The following LRP1B variants were observed in gnomAD, a reference collection of about 807,000 sequenced individuals.
LRP1B encodes LDL receptor related protein 1B.
In LRP1B, 217 loss-of-function variants were observed where a neutral mutation model predicts 556.6. The ratio of observed to expected loss-of-function variants is 0.39; its 90% confidence interval spans 0.35 to 0.44. The LOEUF is 0.44. Ranked by LOEUF, LRP1B falls within the 20% of genes least tolerant of loss-of-function variation. The probability of loss-of-function intolerance (pLI) is 1.00; values close to 1 mark genes in which losing one functional copy is unlikely to be tolerated. For synonymous variants in LRP1B, 2,047 were observed against 1,865.8 expected, an observed-to-expected ratio of 1.10 and a Z score of -2.50; for missense variants, 5,053 against 5,620.8, an observed-to-expected ratio of 0.90 and a Z score of 3.23.
intron 1 of LRP1B, among the ~76,000 whole-genome samples, chr2:141,889,838 A>T (rs1699230131): frequency 6.6e-6 from 1 of 152,162 alleles, no homozygotes; most frequent in African/African-American, 2.4e-5. Context: ...ATCAGAACTC[A>T]AGAAATTGAC....
intron 41 of LRP1B, among the ~76,000 whole-genome samples, chr2:140,694,302 ATATATTGTTACTGACTT>A (rs1686350335): frequency 6.6e-6 from 1 of 152,166 alleles, no homozygotes; most frequent in African/African-American, 2.4e-5. Flanking sequence ...GAATACATAG[ATATATTGTTACTGACTT>A]TATATTCCTA....
Position 140,232,543 on chromosome 2 carries a change from A to G in LRP1B, c.*643T>C, listed in dbSNP as rs544662540. The G allele has an allele frequency of 2.6e-5, 4 of 151,888 alleles. No individual in the cohort carries two copies. Among genetic ancestry groups the G allele is most frequent in the Non-Finnish European group, 4.4e-5 (3 of 67,572 alleles). 9.4% of individuals were successfully genotyped at this position (151,888 alleles called of 1,614,324 possible). ...ACATTTAGTACATCACATAGAGTCC[A>G]CTAAGTTTTGGAAAATGTAGTCATC... On this transcript the variant is annotated 3_prime_UTR_variant, in exon 91 of 91. Transcript: ENST00000389484.
intron 1 of LRP1B, among the ~76,000 whole-genome samples, chr2:141,844,906 T>C (rs1697593560): frequency 6.6e-6 from 1 of 151,982 alleles, no homozygotes; most frequent in Admixed American, 6.6e-5. Flanking sequence ...TCTATATTCT[T>C]ATTCCAATGA....
At chr2:141,418,892 T>G (rs540557613) in intron 3 of LRP1B, among the ~76,000 whole-genome samples, 1 of 152,212 alleles carries the variant, frequency 6.6e-6, no homozygotes, top group South Asian at 2.1e-4. Flanking sequence ...CCATTATTTT[T>G]TAATTTTTTG....
intron 73 of LRP1B, among the ~76,000 whole-genome samples, chr2:140,358,415 T>A (rs895360930): frequency 6.6e-6 from 1 of 151,738 alleles, no homozygotes; most frequent in African/African-American, 2.4e-5. Flanking sequence ...CAGGTCAAGC[T>A]TTGTCTCCAG....
intron 72 of LRP1B, among the ~76,000 whole-genome samples, chr2:140,359,980 C>G (rs1682431759): frequency 6.6e-6 from 1 of 151,606 alleles, no homozygotes; most frequent in African/African-American, 2.4e-5. Flanking sequence ...GGTTTGGCAT[C>G]TTCTAGCCAT....
At chr2:140,300,088 C>G (rs915991589) in intron 83 of LRP1B, among the ~76,000 whole-genome samples, 4 of 152,096 alleles carry the variant, frequency 2.6e-5, no homozygotes, top group Non-Finnish European at 5.9e-5. Context: ...ATGGTTTTGT[C>G]TCATTTACAG....
intron 79 of LRP1B, among the ~76,000 whole-genome samples, chr2:140,331,504 C>T (rs1233615619): frequency 4.6e-5 from 7 of 151,896 alleles, no homozygotes; most frequent in African/African-American, 1.7e-4. Flanking sequence ...TGTTGAAGCC[C>T]TTTGGCATTT....
At chr2:141,299,050 T>C (rs2105425764) in intron 3 of LRP1B, among the ~76,000 whole-genome samples, 1 of 152,010 alleles carries the variant, frequency 6.6e-6, no homozygotes, top group Middle Eastern at 3.4e-3. Context: ...TAGTAAATTA[T>C]TGACATGGGA....
In LRP1B at chr2:140,716,864, G is replaced by C. The variant is rs779100338; in HGVS notation, c.5759-48C>G. Reference sequence around the variant, plus strand: ...AAATACATATACACACACTGTAAAAGGTATCAATATCGGTGTTAGGATCAT... The same window carrying C: ...AAATACATATACACACACTGTAAAACGTATCAATATCGGTGTTAGGATCAT... On this transcript the variant is annotated intron_variant, in intron 35 of 90. Coordinates refer to ENST00000389484, the MANE Select transcript of LRP1B (RefSeq NM_018557.3). The C allele has an allele frequency of 2.6e-6, 3 of 1,160,890 alleles. No individual in the cohort carries two copies. In the East Asian group the frequency reaches 7.5e-5, roughly 29 times the overall value. 71.9% of individuals were successfully genotyped at this position (1,160,890 alleles called of 1,614,324 possible).
At chr2:140,637,955 C>T (rs868603464) in intron 41 of LRP1B, among the ~76,000 whole-genome samples, 6 of 152,172 alleles carry the variant, frequency 3.9e-5, no homozygotes, top group Admixed American at 1.3e-4. Context: ...ACTGACTTTA[C>T]TCTTCTACAG....
chr2:141,761,095 A>G (rs545407735), intron 2 of LRP1B, among the ~76,000 whole-genome samples: 28 of 152,292 alleles, frequency 1.8e-4, no homozygotes, highest in African/African-American at 6.3e-4. Flanking sequence ...GAAATATTGC[A>G]TAGGAATACA....
In LRP1B at chr2:141,879,323, G is replaced by C. The variant is rs147991668; in HGVS notation, c.83-68922C>G. Among the ~76,000 whole-genome samples the C allele has an allele frequency of 9.0e-3, 1,369 of 151,762 alleles. 9 individuals carry two copies. Among genetic ancestry groups the C allele is most frequent in the Non-Finnish European group, 0.015 (1,009 of 67,820 alleles). ...GGAATTTCTCAACAATGTCATACGA[G>C]GGATAAGTTAGAATGTGAAAAACAA... On this transcript the variant is annotated intron_variant, in intron 1 of 90. Transcript: ENST00000389484.
At chr2:140,598,917 C>T in intron 42 of LRP1B, 82 bp from the exon 43 acceptor site, 2 of 889,124 alleles carry the variant, frequency 2.2e-6, no homozygotes, top group African/African-American at 1.7e-5. Flanking sequence ...CAATACCAAG[C>T]TATTTTAAAA....
At chr2:141,613,011 G>A (rs759145080) in intron 2 of LRP1B, among the ~76,000 whole-genome samples, 10 of 151,074 alleles carry the variant, frequency 6.6e-5, no homozygotes, top group South Asian at 2.1e-4. Flanking sequence ...GGGTTTCACC[G>A]TGTTAGCCAG....
At chr2:141,521,581 T>C (rs1441152176) in intron 2 of LRP1B, among the ~76,000 whole-genome samples, 1 of 151,882 alleles carries the variant, frequency 6.6e-6, no homozygotes, top group African/African-American at 2.4e-5. Flanking sequence ...TTAGATTTGC[T>C]TTCAGATTGA....
At chr2:141,934,639 A>G (rs557940060) in intron 1 of LRP1B, among the ~76,000 whole-genome samples, 161 of 152,166 alleles carry the variant, frequency 1.1e-3, no homozygotes, top group Non-Finnish European at 2.0e-3. Flanking sequence ...CCAGGTGGAG[A>G]TAATTATGGG....
intron 79 of LRP1B, among the ~76,000 whole-genome samples, chr2:140,329,560 A>C (rs1479831035): frequency 6.6e-6 from 1 of 152,086 alleles, no homozygotes; most frequent in African/African-American, 2.4e-5. Flanking sequence ...TAGGATACCA[A>C]ATCAATATGC....
intron 7 of LRP1B, among the ~76,000 whole-genome samples, chr2:141,176,136 T>A (rs1680724333): frequency 6.6e-6 from 1 of 152,120 alleles, no homozygotes; most frequent in African/African-American, 2.4e-5. Context: ...GGGACTTTCC[T>A]TGTCTCAGAT....
Sources: allele counts gnomAD v4.1 joint callset (sites outside exome capture counted in the v4.1 genomes callset), GRCh38; gene constraint gnomAD v4.1.1; transcripts MANE v1.5; gene names NCBI Gene and HGNC (gene_info 2026-07-23, HGNC 2026-07-21).